The following DOCK9 variants were observed in gnomAD, a reference collection of about 807,000 sequenced individuals.
DOCK9 encodes dedicator of cytokinesis 9, also known as dedicator of cytokinesis protein 9.
DOCK9 carries 89 observed loss-of-function variants against 263.3 expected under a neutral mutation model. The ratio of observed to expected loss-of-function variants is 0.34; its 90% CI spans 0.28 to 0.40. The LOEUF (loss-of-function observed/expected upper bound fraction) is 0.40. DOCK9 is among the 10% of genes least tolerant of loss of function. The pLI, the probability that DOCK9 is intolerant of heterozygous loss-of-function variation, is 1.00. For synonymous variants in DOCK9, 976 were observed against 973.1 expected, an observed-to-expected ratio of 1.00 and a Z score of -0.06; for missense variants, 2,140 against 2,603.4, an observed-to-expected ratio of 0.82 and a Z score of 3.87.
chr13:98,820,830 G>A (rs1325241505), intron 45 of DOCK9, among the ~76,000 whole-genome samples: 1 of 152,100 alleles, frequency 6.6e-6, no homozygotes, highest in African/African-American at 2.4e-5. Flanking sequence ...GGCTCAGAAT[G>A]CCTGACCTTC....
At chr13:99,022,575 TC>T (rs1383261198) in intron 1 of DOCK9, among the ~76,000 whole-genome samples, 1 of 152,160 alleles carries the variant, frequency 6.6e-6, no homozygotes, top group African/African-American at 2.4e-5. Flanking sequence ...TGGGGGTCTT[TC>T]AGAGACCACA....
In DOCK9 at chr13:98,853,548, T is replaced by C. The variant is rs759203743; in HGVS notation, c.3832-26A>G. The C allele has an allele frequency of 2.6e-6, 4 of 1,510,428 alleles. No homozygotes were observed. In the East Asian group the frequency reaches 9.0e-5, roughly 34 times the overall value. The allele number at this position is 1,510,428 out of a possible 1,614,324, so 93.6% of individuals were successfully genotyped here. ...CTAAAAAGAAAATACAGGTGATTTTTCTATTTAATTACGGGAGGAAAACGT... is the reference window on the plus strand; with the variant it reads ...CTAAAAAGAAAATACAGGTGATTTTCCTATTTAATTACGGGAGGAAAACGT... On this transcript the variant is annotated intron_variant, in intron 34 of 52. Transcript: ENST00000682017.
At chr13:98,810,142 GA>G in intron 46 of DOCK9, 26 bp downstream of exon 46, 2 of 1,613,224 alleles carry the variant, frequency 1.2e-6, no homozygotes, top group Non-Finnish European at 1.7e-6. Context: ...TCTCAAATAG[GA>G]AAAAAACAAA....
At chr13:98,960,373 A>G (rs1042154570) in intron 1 of DOCK9, among the ~76,000 whole-genome samples, 2 of 152,198 alleles carry the variant, frequency 1.3e-5, no homozygotes, top group African/African-American at 4.8e-5. Flanking sequence ...TCCCAAGCCT[A>G]TGACATTCAG....
intron 1 of DOCK9, among the ~76,000 whole-genome samples, chr13:99,081,662 G>T (rs1363414635): frequency 6.6e-6 from 1 of 152,174 alleles, no homozygotes; most frequent in Admixed American, 6.5e-5. Context: ...CATCCTCTTA[G>T]ATCTAGGTCA....
At chr13:99,041,329 G>GA (rs953386072) in intron 1 of DOCK9, among the ~76,000 whole-genome samples, 17 of 152,104 alleles carry the variant, frequency 1.1e-4, no homozygotes, top group African/African-American at 4.1e-4. Flanking sequence ...ACAAAAAATA[G>GA]AAAAAATAGC....
Position 98,829,736 on chromosome 13 carries a change from C to T in DOCK9, c.4656G>A (p.Gln1552=). 1 of 1,607,850 alleles carries T rather than the reference C, an allele frequency of 6.2e-7. No individual in the cohort carries two copies. The highest frequency in any genetic ancestry group is 8.5e-7 in the Non-Finnish European group (1 of 1,177,076). ...THLQVIISVS[Q]LIADVVGIGG... Reference sequence around the variant, plus strand: ...CAATGCCAACAACGTCTGCTATCAGCTGGCTGACAGATATGATGACCTTAG... The same window carrying T: ...CAATGCCAACAACGTCTGCTATCAGTTGGCTGACAGATATGATGACCTTAG... Residue 1552 remains glutamine (Q), a synonymous_variant, in exon 42 of 53, where the codon CAG becomes CAA. Coordinates refer to ENST00000682017, the MANE Select transcript of DOCK9 (RefSeq NM_001366683.2). The surrounding 1 kb of genome is among the most constrained non-coding windows in gnomAD (Gnocchi z 4.1).
At chr13:98,956,646 C>A (rs1247755223) in intron 1 of DOCK9, among the ~76,000 whole-genome samples, 1 of 152,052 alleles carries the variant, frequency 6.6e-6, no homozygotes, top group African/African-American at 2.4e-5. Context: ...ACTCGGGAGG[C>A]CGAGGCACGA....
intron 6 of DOCK9, 82 bp downstream of exon 6, chr13:98,921,969 G>T: frequency 1.7e-6 from 2 of 1,147,318 alleles, no homozygotes; most frequent in Non-Finnish European, 2.5e-6. Flanking sequence ...AACAGCATGC[G>T]CATTCATCTT....
At chr13:98,963,981 G>A (rs2058945084) in intron 1 of DOCK9, among the ~76,000 whole-genome samples, 2 of 152,222 alleles carry the variant, frequency 1.3e-5, no homozygotes, top group Non-Finnish European at 2.9e-5. Flanking sequence ...TAAGTAGGGT[G>A]GGCACAGGAA....
rs1310762815 is a variant in DOCK9, at chr13:98,902,501, A to T, written c.1177-10T>A. 1 of 1,612,170 alleles carries T rather than the reference A, an allele frequency of 6.2e-7. No homozygotes were observed. The highest frequency in any genetic ancestry group is 8.5e-7 in the Non-Finnish European group (1 of 1,178,888). On this transcript the variant is annotated splice_polypyrimidine_tract_variant and intron_variant, in intron 11 of 52. Transcript: ENST00000682017. Reference sequence around the variant, plus strand: ...CAAAGAAAGGTTCAACCTGAACAAAACAAAACAATCCAATGATCACCATGG... The same window carrying T: ...CAAAGAAAGGTTCAACCTGAACAAATCAAAACAATCCAATGATCACCATGG...
intron 2 of DOCK9, among the ~76,000 whole-genome samples, chr13:98,937,483 T>C (rs2055066994): frequency 6.6e-6 from 1 of 152,184 alleles, no homozygotes; most frequent in Non-Finnish European, 1.5e-5. Flanking sequence ...AGGTAAATTA[T>C]TTTCAGTCAA....
At chr13:98,840,900 A>G (rs1202825323) in intron 38 of DOCK9, among the ~76,000 whole-genome samples, 1 of 152,256 alleles carries the variant, frequency 6.6e-6, no homozygotes, top group Non-Finnish European at 1.5e-5. Flanking sequence ...CCAAATAACA[A>G]GGAATTTTCT....
At chr13:98,935,848 G>C (rs563134616) in intron 2 of DOCK9, among the ~76,000 whole-genome samples, 1 of 152,272 alleles carries the variant, frequency 6.6e-6, no homozygotes, top group African/African-American at 2.4e-5. Flanking sequence ...GGACTACCAG[G>C]CTTGGCACCA....
chr13:99,062,878 G>A (rs1406303039), intron 1 of DOCK9, among the ~76,000 whole-genome samples: 2 of 152,314 alleles, frequency 1.3e-5, no homozygotes, highest in Non-Finnish European at 2.9e-5. Context: ...CTCTTTGGCA[G>A]AAAAGGGAGA....
At chr13:99,025,686 A>G (rs1157489328) in intron 1 of DOCK9, among the ~76,000 whole-genome samples, 1 of 152,266 alleles carries the variant, frequency 6.6e-6, no homozygotes, top group Non-Finnish European at 1.5e-5. Context: ...ATGATCCAGC[A>G]ATTCCACTCC....
chr13:98,983,623 AT>A (rs71213702), intron 1 of DOCK9, among the ~76,000 whole-genome samples: 208 of 128,688 alleles, frequency 1.6e-3, no homozygotes, highest in African/African-American at 4.3e-3. Context: ...TATTATTATT[AT>A]TTTTTTTTTT....
At chr13:99,026,811 A>G (rs1935723189) in intron 1 of DOCK9, among the ~76,000 whole-genome samples, 1 of 152,270 alleles carries the variant, frequency 6.6e-6, no homozygotes, top group Admixed American at 6.5e-5. Context: ...TATTGAGGCC[A>G]GTCTAGTCAT....
At chr13:99,059,857 T>C (rs1303779564) in intron 1 of DOCK9, among the ~76,000 whole-genome samples, 1 of 152,186 alleles carries the variant, frequency 6.6e-6, no homozygotes, top group Non-Finnish European at 1.5e-5. Flanking sequence ...ATCTACTTTC[T>C]GTCTCTATGC....
Sources: allele counts gnomAD v4.1 joint callset (sites outside exome capture counted in the v4.1 genomes callset), GRCh38; gene constraint gnomAD v4.1.1; non-coding constraint Gnocchi (gnomAD v3.1); transcripts MANE v1.5; gene names NCBI Gene and HGNC (gene_info 2026-07-23, HGNC 2026-07-21).